The following LARP1 variants were observed in gnomAD, a reference collection of about 807,000 sequenced individuals.
The protein encoded by LARP1 is la-related protein 1.
In LARP1, 36 loss-of-function variants were observed where a neutral mutation model predicts 122.7. The observed-to-expected ratio is 0.29, with a 90% confidence interval of 0.22 to 0.39. The LOEUF (loss-of-function observed/expected upper bound fraction) is 0.39, where lower values mean the gene tolerates loss of function less well. LARP1 is among the 10% of genes least tolerant of loss of function. The pLI, the probability that LARP1 is intolerant of heterozygous loss-of-function variation, is 1.00. For missense variants in LARP1, 1,040 were observed against 1,403.6 expected (o/e 0.74, Z 4.14); for synonymous variants, 539 against 528.7 (o/e 1.02, Z -0.27).
At chr5:154,718,073 A>G (rs1463492439) in intron 1 of LARP1, among the ~76,000 whole-genome samples, 1 of 151,952 alleles carries the variant, frequency 6.6e-6, no homozygotes, top group Admixed American at 6.6e-5. Context: ...GTAGGCCACC[A>G]TGCCCAGCTA....
intron 1 of LARP1, among the ~76,000 whole-genome samples, chr5:154,733,303 A>G (rs867625326): frequency 1.3e-5 from 2 of 152,260 alleles, no homozygotes; most frequent in African/African-American, 4.8e-5. Context: ...CAGGCTGTCA[A>G]TAACACAGGC....
chr5:154,766,892 A>G (rs1001976735), intron 1 of LARP1, among the ~76,000 whole-genome samples: 1 of 152,256 alleles, frequency 6.6e-6, no homozygotes, highest in African/African-American at 2.4e-5. Flanking sequence ...TCCTCCTTTC[A>G]GAGAAGAGGG....
intron 1 of LARP1, chr5:154,756,592 T>C (rs1183759225): frequency 1.3e-6 from 1 of 782,162 alleles, no homozygotes; most frequent in Non-Finnish European, 1.6e-6. Context: ...GCGCTCCCCG[T>C]TTTGGTAGCG....
At chr5:154,809,409 G>A (rs1759071647) in intron 16 of LARP1, among the ~76,000 whole-genome samples, 1 of 92,606 alleles carries the variant, frequency 1.1e-5, no homozygotes, top group Non-Finnish European at 2.0e-5. Flanking sequence ...AAAAAGACAA[G>A]TTTGGAAAAG....
At chr5:154,792,238 G>A (rs1757405118) in intron 3 of LARP1, among the ~76,000 whole-genome samples, 1 of 152,214 alleles carries the variant, frequency 6.6e-6, no homozygotes, top group Non-Finnish European at 1.5e-5. Context: ...CTCACTGGCT[G>A]TGGCCGCTTT....
In LARP1 at chr5:154,793,982, G is replaced by T. The variant is rs556196297; in HGVS notation, c.1051G>T (p.Gly351Cys). ...GGGGCGTGGTCGCGGCCGGGGACGCGGCCGGGGTGGCACTCGAAGTACGTG... is the reference window on the plus strand; with the variant it reads ...GGGGCGTGGTCGCGGCCGGGGACGCTGCCGGGGTGGCACTCGAAGTACGTG... ...GRGRGRGRGR[G>C]RGGTRTHFDY... The change falls in exon 6 of 19, where the codon GGC becomes TGC. Residue 351 changes from glycine (G) to cysteine (C), a missense_variant. Gly to Cys is a radical substitution (Grantham distance 159). Around this residue, in one of 8 missense-constraint regions of LARP1, gnomAD observed 178 missense variants for 178.3 expected, o/e 1.00. Coordinates refer to ENST00000518297, the MANE Select transcript of LARP1 (RefSeq NM_033551.3). The T allele has an allele frequency of 1.2e-6, 2 of 1,610,646 alleles. No individual in the cohort carries two copies. Among genetic ancestry groups the T allele is most frequent in the South Asian group, 2.2e-5 (2 of 90,854 alleles).
intron 1 of LARP1, among the ~76,000 whole-genome samples, chr5:154,786,948 T>C (rs1756940425): frequency 6.6e-6 from 1 of 151,998 alleles, no homozygotes; most frequent in African/African-American, 2.4e-5. Flanking sequence ...GTGCAATCTC[T>C]GCTCACCACA....
chr5:154,791,927 T>G (rs1356050714), intron 3 of LARP1: 1 of 455,886 alleles, frequency 2.2e-6, no homozygotes, highest in South Asian at 1.5e-5. Flanking sequence ...TAGGTCCTTT[T>G]ATAATCCCCA....
upstream of LARP1, among the ~76,000 whole-genome samples, chr5:154,709,222 T>G (rs1388622700): frequency 2.0e-5 from 3 of 152,236 alleles, no homozygotes; most frequent in South Asian, 4.1e-4. Context: ...GCTTTAGCAA[T>G]GCAGTTAGCC....
At chr5:154,727,324 G>T (rs1277523701) in intron 1 of LARP1, among the ~76,000 whole-genome samples, 1 of 152,188 alleles carries the variant, frequency 6.6e-6, no homozygotes, top group Admixed American at 6.5e-5. Flanking sequence ...GATAGTAAAA[G>T]ATAAGGGGAA....
chr5:154,756,357 C>A, intron 1 of LARP1, 164 bp downstream of exon 1: 2 of 965,790 alleles, frequency 2.1e-6, no homozygotes, highest in South Asian at 2.9e-5. Context: ...GCCCTCCCCC[C>A]CACCGTACAC....
In LARP1 at chr5:154,800,015, G is replaced by T; in HGVS notation, c.1689G>T (p.Arg563Ser). 1.2e-6 allele frequency: 2 copies of T among 1,613,944 alleles called. No individual in the cohort carries two copies. The highest frequency in any genetic ancestry group is 2.2e-5 in the South Asian group (2 of 91,078). Reference protein sequence around the residue: ...DSENWIEVKKRPRPSPARPKK... With the variant: ...DSENWIEVKKSPRPSPARPKK... ...AGAACTGGATTGAAGTGAAGAAGAG[G>T]CCTCGGCCATCCCCAGCACGGCCCA... The change falls in exon 10 of 19, where the codon AGG becomes AGT. Residue 563 changes from arginine (R) to serine (S), a missense_variant. Coordinates refer to ENST00000518297, the MANE Select transcript of LARP1 (RefSeq NM_033551.3).
intron 1 of LARP1, among the ~76,000 whole-genome samples, chr5:154,740,580 C>T (rs948270745): frequency 6.6e-6 from 1 of 152,174 alleles, no homozygotes; most frequent in African/African-American, 2.4e-5. Flanking sequence ...TTATGGCTTG[C>T]TCAAGCTCAC....
Position 154,765,222 on chromosome 5 carries a change from A to G in LARP1, c.436+9029A>G, listed in dbSNP as rs375150053. ...AGCATCAGTCCTCACTTCCTGAAAC[A>G]TGTCATGTACTCTTTGCTTTGGGTC... On this transcript the variant is annotated intron_variant, in intron 1 of 18. Transcript: ENST00000518297. Among the ~76,000 whole-genome samples, 3 of 152,162 alleles carry G rather than the reference A, an allele frequency of 2.0e-5. No individual in the cohort carries two copies. In the East Asian group the frequency reaches 5.8e-4, roughly 29 times the overall value.
intron 1 of LARP1, among the ~76,000 whole-genome samples, chr5:154,731,390 G>T (rs1161790988): frequency 2.0e-5 from 3 of 152,152 alleles, no homozygotes; most frequent in Non-Finnish European, 2.9e-5. Flanking sequence ...CTGTTCAAAT[G>T]TCACTTCCTC....
chr5:154,792,266 T>G (rs1415338952), intron 3 of LARP1, among the ~76,000 whole-genome samples: 1 of 152,194 alleles, frequency 6.6e-6, no homozygotes, highest in Non-Finnish European at 1.5e-5. Context: ...CAGACAGAGT[T>G]GTTGTTGATA....
At chr5:154,775,992 C>T (rs1755851354) in intron 1 of LARP1, among the ~76,000 whole-genome samples, 1 of 152,068 alleles carries the variant, frequency 6.6e-6, no homozygotes, top group Non-Finnish European at 1.5e-5. Context: ...AAGTGGTGGC[C>T]ATTATTACTA....
intron 5 of LARP1, 38 bp downstream of exon 5, chr5:154,793,761 G>A (rs1757525020): frequency 6.2e-7 from 1 of 1,614,044 alleles, no homozygotes; most frequent in Non-Finnish European, 8.5e-7. Context: ...GGACTTGGGA[G>A]ACACCCTCAG....
At chr5:154,779,815 A>G (rs899552843) in intron 1 of LARP1, among the ~76,000 whole-genome samples, 8 of 151,700 alleles carry the variant, frequency 5.3e-5, no homozygotes, top group Middle Eastern at 3.4e-3. Flanking sequence ...GCCCCCCTCT[A>G]CATTCTCTAA....
Sources: allele counts gnomAD v4.1 joint callset (sites outside exome capture counted in the v4.1 genomes callset), GRCh38; gene constraint gnomAD v4.1.1; regional missense constraint gnomAD v4.1.1; transcripts MANE v1.5; gene names NCBI Gene and HGNC (gene_info 2026-07-23, HGNC 2026-07-21).